DLC1: variants seen among roughly 807,000 people sequenced by gnomAD.
The protein encoded by DLC1 is DLC1 Rho GTPase activating protein, also known as rho GTPase-activating protein 7.
DLC1 carries 54 observed loss-of-function variants against 140.3 expected under a neutral mutation model. The observed-to-expected ratio is 0.38, with a 90% CI of 0.31 to 0.48. DLC1 has a LOEUF of 0.48. Ranked by LOEUF, DLC1 falls within the 20% of genes least tolerant of loss-of-function variation. The probability of loss-of-function intolerance (pLI) is 0.96; values close to 1 mark genes in which losing one functional copy is unlikely to be tolerated. For missense variants in DLC1, 2,536 were observed against 1,907.0 expected, an observed-to-expected ratio of 1.33 and a Z score of -6.14; for synonymous variants, 986 against 728.1, an observed-to-expected ratio of 1.35 and a Z score of -5.70.
At chr8:13,257,197 G>T (rs1239445284) in intron 5 of DLC1, among the ~76,000 whole-genome samples, 1 of 151,058 alleles carries the variant, frequency 6.6e-6, no homozygotes, top group East Asian at 1.9e-4. Flanking sequence ...ACAGTTCCCG[G>T]GACTACATAT....
rs1048923328 is a variant in DLC1, at chr8:13,207,697, G to C, written c.1349-92040C>G. ...CAGTTGGAGTGATCTTTCTCCCTAG[G>C]GGACATTTGGCAGTGTCTGGAGAGG... On this transcript the variant is annotated intron_variant, in intron 5 of 17. Transcript: ENST00000276297. Among the ~76,000 whole-genome samples the C allele has an allele frequency of 2.0e-5, 3 of 152,116 alleles. No individual in the cohort carries two copies. In the East Asian group the frequency reaches 5.8e-4, roughly 29 times the overall value.
chr8:13,097,220 G>A (rs944116980), intron 10 of DLC1, among the ~76,000 whole-genome samples: 1 of 150,836 alleles, frequency 6.6e-6, no homozygotes, highest in Non-Finnish European at 1.5e-5. Flanking sequence ...CTTTAGCACA[G>A]GTGGATGCTA....
At chr8:13,554,672 A>G (rs1401224710) in intron 1 of DLC1, among the ~76,000 whole-genome samples, 3 of 152,146 alleles carry the variant, frequency 2.0e-5, no homozygotes, top group South Asian at 2.1e-4. Context: ...TCTCTGAAAT[A>G]TGGTCCTTTC....
chr8:13,381,400 C>T (rs1216605496), intron 4 of DLC1, among the ~76,000 whole-genome samples: 1 of 152,186 alleles, frequency 6.6e-6, no homozygotes, highest in Non-Finnish European at 1.5e-5. Flanking sequence ...GCAATACATC[C>T]TCCAGTGATC....
At chr8:13,406,049 C>T (rs947851557) in intron 2 of DLC1, among the ~76,000 whole-genome samples, 1 of 146,764 alleles carries the variant, frequency 6.8e-6, no homozygotes. Flanking sequence ...CTCTGTCTCC[C>T]AGGCTGGAGT....
chr8:13,302,528 C>T (rs1832243188), intron 5 of DLC1, among the ~76,000 whole-genome samples: 1 of 152,130 alleles, frequency 6.6e-6, no homozygotes, highest in Admixed American at 6.5e-5. Flanking sequence ...ACTTACAGCA[C>T]ACACAGAGCA....
chr8:13,125,737 A>ATT (rs576872305), intron 5 of DLC1, among the ~76,000 whole-genome samples: 1 of 149,544 alleles, frequency 6.7e-6, no homozygotes, highest in Non-Finnish European at 1.5e-5. Flanking sequence ...AGTTTTGTTC[A>ATT]TTTTTTTTTC....
intron 5 of DLC1, among the ~76,000 whole-genome samples, chr8:13,162,140 T>C (rs2128984972): frequency 6.6e-6 from 1 of 152,314 alleles, no homozygotes. Context: ...CCTCAATGTA[T>C]AGCCACTGCT....
intron 5 of DLC1, among the ~76,000 whole-genome samples, chr8:13,123,586 G>T (rs1455452508): frequency 6.6e-6 from 1 of 150,858 alleles, no homozygotes; most frequent in East Asian, 2.0e-4. Flanking sequence ...GACCTCAAGT[G>T]ATCTGCCTGC....
At chr8:13,390,761 G>A (rs1836718731) in intron 4 of DLC1, among the ~76,000 whole-genome samples, 1 of 152,156 alleles carries the variant, frequency 6.6e-6, no homozygotes, top group Non-Finnish European at 1.5e-5. Context: ...GCCGAGGCGG[G>A]TGGATCATGA....
intron 2 of DLC1, among the ~76,000 whole-genome samples, chr8:13,426,816 A>T (rs1007851897): frequency 6.6e-6 from 1 of 151,988 alleles, no homozygotes. Context: ...AAAATTGCCT[A>T]CATTTGTCTC....
At chr8:13,182,725 C>T (rs1185568762) in intron 5 of DLC1, among the ~76,000 whole-genome samples, 3 of 152,074 alleles carry the variant, frequency 2.0e-5, no homozygotes, top group Admixed American at 2.0e-4. Flanking sequence ...TTACTGTAGC[C>T]TTGTAGTATA....
intron 8 of DLC1, among the ~76,000 whole-genome samples, 197 bp downstream of exon 8, chr8:13,102,593 A>T (rs749548697): frequency 5.9e-5 from 9 of 152,232 alleles, no homozygotes; most frequent in Admixed American, 4.6e-4. Flanking sequence ...AATAGATAAA[A>T]TAATGTAATG....
intron 1 of DLC1, among the ~76,000 whole-genome samples, chr8:13,554,077 G>GT (rs1279122709): frequency 6.6e-6 from 1 of 151,720 alleles, no homozygotes; most frequent in Non-Finnish European, 1.5e-5. Context: ...TGCTTGTTTT[G>GT]TTTTTTTGAG....
chr8:13,567,278 C>CT (rs1563445614), intron 1 of DLC1: 20 of 1,551,560 alleles, frequency 1.3e-5, no homozygotes, highest in Admixed American at 2.0e-5. Context: ...CTCAAAGACT[C>CT]TAACTTTGAA....
chr8:13,218,572 G>C (rs1024025496), intron 5 of DLC1, among the ~76,000 whole-genome samples: 1 of 151,736 alleles, frequency 6.6e-6, no homozygotes, highest in South Asian at 2.1e-4. Flanking sequence ...CTACAGTGAT[G>C]TAATGCTTCA....
intron 2 of DLC1, among the ~76,000 whole-genome samples, chr8:13,405,976 C>CTTTCTT (rs1837532959): frequency 2.7e-5 from 1 of 36,652 alleles, no homozygotes; most frequent in Non-Finnish European, 5.5e-5. Flanking sequence ...TTTCTTTCAT[C>CTTTCTT]TCTCTCTCTC....
intron 4 of DLC1, among the ~76,000 whole-genome samples, chr8:13,367,179 C>G (rs374815896): frequency 1.3e-5 from 2 of 152,168 alleles, no homozygotes; most frequent in Admixed American, 6.5e-5. Context: ...GTCCTGGTCA[C>G]TCGTTCTGGC....
At chr8:13,442,607 C>T (rs890512778) in intron 2 of DLC1, among the ~76,000 whole-genome samples, 2 of 152,170 alleles carry the variant, frequency 1.3e-5, no homozygotes, top group Non-Finnish European at 2.9e-5. Context: ...TGAAAAAATG[C>T]TCATCATCAC....
Sources: allele counts gnomAD v4.1 joint callset (sites outside exome capture counted in the v4.1 genomes callset), GRCh38; gene constraint gnomAD v4.1.1; transcripts MANE v1.5; gene names NCBI Gene and HGNC (gene_info 2026-07-23, HGNC 2026-07-21).